The following ACCSL variants were observed in gnomAD, a reference collection of about 807,000 sequenced individuals.
The protein encoded by ACCSL is probable inactive 1-aminocyclopropane-1-carboxylate synthase-like protein 2.
In ACCSL, 55 loss-of-function variants were observed where a neutral mutation model predicts 61.7. That is an observed-to-expected ratio of 0.89 (90% CI 0.72 to 1.12). The LOEUF is 1.12. ACCSL is among the 50% of genes most tolerant of loss of function. The pLI is 0.00. For missense variants in ACCSL, 632 were observed against 698.0 expected (o/e 0.91, Z 1.07); for synonymous variants, 258 against 264.3 (o/e 0.98, Z 0.23).
the ACCSL span, among the ~76,000 whole-genome samples, chr11:44,027,877 G>T: frequency 6.6e-6 from 1 of 152,134 alleles, no homozygotes; most frequent in Admixed American, 6.6e-5. Context: ...TGAGTCAATC[G>T]ATCTAAGCTG....
the ACCSL span, among the ~76,000 whole-genome samples, chr11:44,000,725 A>AAAAGAAAGAAAGAAAGAAAG: frequency 0.015 from 2,250 of 146,764 alleles, 26 homozygotes; most frequent in Middle Eastern, 0.024. Flanking sequence ...TCTGCCTCAA[A>AAAAGAAAGAAAGAAAGAAAG]AAAGAAAGAA....
chr11:43,983,038 GCT>G, the ACCSL span, among the ~76,000 whole-genome samples: 1 of 152,182 alleles, frequency 6.6e-6, no homozygotes, highest in African/African-American at 2.4e-5. Flanking sequence ...AGGAGGGGCA[GCT>G]CTCTCTGTCT....
the ACCSL span, among the ~76,000 whole-genome samples, chr11:44,013,868 AACAG>A: frequency 2.6e-5 from 4 of 152,196 alleles, no homozygotes; most frequent in Non-Finnish European, 5.9e-5. Context: ...CGGGGTTGGT[AACAG>A]ACAGATGGGT....
the ACCSL span, among the ~76,000 whole-genome samples, chr11:44,017,743 G>A: frequency 2.6e-5 from 4 of 152,120 alleles, no homozygotes; most frequent in Non-Finnish European, 5.9e-5. Flanking sequence ...GGGTTTTGGA[G>A]GACATTCAGG....
the ACCSL span, among the ~76,000 whole-genome samples, chr11:43,928,974 A>G: frequency 6.6e-6 from 1 of 152,226 alleles, no homozygotes; most frequent in Non-Finnish European, 1.5e-5. Flanking sequence ...ACTGCCAGCA[A>G]CCAGCCAGGC....
At chr11:44,031,573 G>A in the ACCSL span, among the ~76,000 whole-genome samples, 1 of 152,190 alleles carries the variant, frequency 6.6e-6, no homozygotes, top group Admixed American at 6.5e-5. Context: ...GGATGAAAGA[G>A]AGGGAGCAGG....
the ACCSL span, chr11:43,974,065 C>A: frequency 1.3e-5 from 2 of 152,184 alleles, no homozygotes; most frequent in Non-Finnish European, 2.9e-5. Context: ...GCACTGAGAA[C>A]AATGCTTGGC....
At chr11:43,963,631 G>A in the ACCSL span, among the ~76,000 whole-genome samples, 1 of 152,160 alleles carries the variant, frequency 6.6e-6, no homozygotes, top group African/African-American at 2.4e-5. Flanking sequence ...CAGGCATTGT[G>A]GTGTATGTCT....
chr11:43,986,611 A>T, the ACCSL span, among the ~76,000 whole-genome samples: 4 of 151,852 alleles, frequency 2.6e-5, no homozygotes, highest in Admixed American at 6.6e-5. Flanking sequence ...GCCTGGAAAA[A>T]CTGTTTCCCT....
the ACCSL span, among the ~76,000 whole-genome samples, chr11:43,949,409 G>C: frequency 1.3e-5 from 2 of 152,204 alleles, no homozygotes; most frequent in Non-Finnish European, 2.9e-5. Flanking sequence ...GAAAGGAAAA[G>C]AAATCTTGGG....
chr11:43,973,882 T>C, the ACCSL span: 2 of 152,202 alleles, frequency 1.3e-5, no homozygotes, highest in Non-Finnish European at 2.9e-5. Context: ...ATCTTCCTCC[T>C]GTGGATATAT....
rs776890973 is a variant in ACCSL at position 44,050,173 on chromosome 11, C to T, written c.564+52C>T. 6.7e-6 allele frequency: 10 copies of T among 1,482,584 alleles called. No homozygotes were observed. In the African/African-American group the frequency reaches 1.1e-4, roughly 16 times the overall value. 91.8% of individuals were successfully genotyped at this position (1,482,584 alleles called of 1,614,324 possible). On this transcript the variant is annotated intron_variant, in intron 2 of 13. Coordinates refer to ENST00000378832, the MANE Select transcript of ACCSL (RefSeq NM_001031854.2). ...ACCCACCCCTTCAAGGCTTAGTCCC[C>T]CTAGCGTGCTCCTGAGCTATGGTAG...
chr11:43,949,543 G>A, the ACCSL span, among the ~76,000 whole-genome samples: 1 of 152,154 alleles, frequency 6.6e-6, no homozygotes, highest in East Asian at 1.9e-4. Context: ...GGCCGGGCAT[G>A]GTGGCTCACG....
chr11:43,998,489 G>A, the ACCSL span, among the ~76,000 whole-genome samples: 2 of 152,188 alleles, frequency 1.3e-5, no homozygotes, highest in South Asian at 4.1e-4. Flanking sequence ...CAGCGCTGAG[G>A]TCTTAGCCTT....
the ACCSL span, among the ~76,000 whole-genome samples, chr11:43,989,639 C>T: frequency 2.6e-5 from 4 of 152,360 alleles, no homozygotes; most frequent in Non-Finnish European, 4.4e-5. Flanking sequence ...CCATGGCCCC[C>T]ACCCAGCAGG....
upstream of ACCSL, among the ~76,000 whole-genome samples, chr11:44,047,751 C>A (rs1029990773): frequency 3.3e-5 from 5 of 152,204 alleles, no homozygotes; most frequent in Non-Finnish European, 5.9e-5. Context: ...TTGTTCATAT[C>A]CCCCTGCTCT....
chr11:44,009,476 G>C, the ACCSL span, among the ~76,000 whole-genome samples: 1 of 152,164 alleles, frequency 6.6e-6, no homozygotes, highest in African/African-American at 2.4e-5. Context: ...CATATAAAAA[G>C]TGCTCAGGGC....
At chr11:43,950,363 C>T in the ACCSL span, among the ~76,000 whole-genome samples, 6 of 152,232 alleles carry the variant, frequency 3.9e-5, no homozygotes, top group Non-Finnish European at 7.3e-5. Flanking sequence ...TGAGACTTGT[C>T]TCAGAGATAT....
the ACCSL span, among the ~76,000 whole-genome samples, chr11:43,941,176 C>T: frequency 6.6e-6 from 1 of 152,210 alleles, no homozygotes; most frequent in Non-Finnish European, 1.5e-5. Context: ...AATATCCAGG[C>T]TCTGAGCAGC....
Sources: allele counts gnomAD v4.1 joint callset (sites outside exome capture counted in the v4.1 genomes callset), GRCh38; gene constraint gnomAD v4.1.1; transcripts MANE v1.5; gene names NCBI Gene and HGNC (gene_info 2026-07-23, HGNC 2026-07-21).